Variants in ARHGAP18 observed in about 807,000 individuals in gnomAD.
The protein encoded by ARHGAP18 is rho GTPase-activating protein 18.
ARHGAP18 carries 67 observed loss-of-function variants against 86.2 expected under a neutral mutation model. The observed-to-expected ratio is 0.78, with a 90% CI of 0.64 to 0.95. ARHGAP18 has a LOEUF of 0.95. ARHGAP18 is among the 40% of genes least tolerant of loss of function. The probability of loss-of-function intolerance (pLI) is 0.00; values close to 1 mark genes in which losing one functional copy is unlikely to be tolerated. For synonymous variants in ARHGAP18, 283 were observed against 280.4 expected (o/e 1.01, Z -0.09); for missense variants, 691 against 780.4 (o/e 0.89, Z 1.37).
At chr6:129,642,531 A>G (rs938561035) in intron 1 of ARHGAP18, among the ~76,000 whole-genome samples, 5 of 151,984 alleles carry the variant, frequency 3.3e-5, no homozygotes, top group Admixed American at 1.3e-4. Flanking sequence ...ATGATCCTCA[A>G]CTGATCCTCC....
At chr6:129,691,793 A>T (rs1774533859) in intron 1 of ARHGAP18, among the ~76,000 whole-genome samples, 1 of 152,168 alleles carries the variant, frequency 6.6e-6, no homozygotes, top group Admixed American at 6.5e-5. Context: ...TCTGGTTCCC[A>T]AAAGGCTTCT....
intron 14 of ARHGAP18, among the ~76,000 whole-genome samples, chr6:129,579,493 GA>G (rs1489277267): frequency 4.6e-5 from 7 of 151,562 alleles, no homozygotes. Context: ...AGTCAAAAAA[GA>G]AAAAAAGATT....
In ARHGAP18 at chr6:129,580,702, A is replaced by G. The variant is rs551958862; in HGVS notation, c.1839-571T>C. On this transcript the variant is annotated intron_variant, in intron 13 of 14. Coordinates refer to ENST00000368149, the MANE Select transcript of ARHGAP18 (RefSeq NM_033515.3). ...AGTCTGGGCAACATGGCAAAACCCC[A>G]TTTCTACCCAAAATACAAAAAATTT... Among the ~76,000 whole-genome samples the G allele has an allele frequency of 1.6e-3, 242 of 152,042 alleles. 1 individual carries two copies. The highest frequency in any genetic ancestry group is 1.9e-3 in the Non-Finnish European group (130 of 68,000).
chr6:129,661,035 A>C (rs78537699), intron 1 of ARHGAP18, among the ~76,000 whole-genome samples: 2 of 151,900 alleles, frequency 1.3e-5, no homozygotes, highest in Non-Finnish European at 2.9e-5. Flanking sequence ...AAAAAAAAAA[A>C]AAACCAAAAG....
Position 129,630,412 on chromosome 6 carries a change from T to G in ARHGAP18, c.617-890A>C, listed in dbSNP as rs1012886426. Among the ~76,000 whole-genome samples the G allele has an allele frequency of 2.6e-5, 4 of 152,216 alleles. No individual in the cohort carries two copies. In the South Asian group the frequency reaches 8.3e-4, roughly 31 times the overall value. Reference sequence around the variant, plus strand: ...AGCCAAGAACCAAGATTACTGATTTTCTCACTGTTGACCTTTGAATCATAG... The same window carrying G: ...AGCCAAGAACCAAGATTACTGATTTGCTCACTGTTGACCTTTGAATCATAG... On this transcript the variant is annotated intron_variant, in intron 4 of 14. Coordinates refer to ENST00000368149, the MANE Select transcript of ARHGAP18 (RefSeq NM_033515.3).
At position 129,629,462 on chromosome 6, in the gene ARHGAP18, G is replaced by A; in HGVS notation, c.677C>T (p.Pro226Leu). The A allele has an allele frequency of 6.2e-7, 1 of 1,613,860 alleles. No individual in the cohort carries two copies. Among genetic ancestry groups the A allele is most frequent in the Non-Finnish European group, 8.5e-7 (1 of 1,179,922 alleles). The change falls in exon 5 of 15, where the codon CCT (proline) becomes CTT (leucine). Residue 226 changes from proline to leucine, a missense_variant. Transcript: ENST00000368149. ...KLIPPEETPAPETDINLEVSF... is the reference protein window; with the variant it reads ...KLIPPEETPALETDINLEVSF... ...TACCTCCAGGTTGATGTCTGTTTCAGGGGCAGGCGTCTCCTCAGGTGGGAT... is the reference window on the plus strand; with the variant it reads ...TACCTCCAGGTTGATGTCTGTTTCAAGGGCAGGCGTCTCCTCAGGTGGGAT...
chr6:129,672,752 T>C (rs767617475), intron 1 of ARHGAP18, among the ~76,000 whole-genome samples: 130 of 152,374 alleles, frequency 8.5e-4, no homozygotes, highest in Non-Finnish European at 1.6e-3. Flanking sequence ...TTGTTCATGC[T>C]CTATGGCTAA....
Position 129,638,434 on chromosome 6 carries a change from A to C in ARHGAP18, c.512T>G (p.Val171Gly). 6.2e-7 allele frequency: 1 copy of C among 1,614,170 alleles called. No individual in the cohort carries two copies. The change falls in exon 3 of 15, where the codon GTC becomes GGC. Residue 171 changes from valine to glycine, a missense_variant. Val to Gly is a moderately radical substitution (Grantham distance 109). Coordinates refer to ENST00000368149, the MANE Select transcript of ARHGAP18 (RefSeq NM_033515.3). ...TCTCTGTTGAGCAAATATGTCTCTG[A>C]CGTCAGGAATCTGGTACTGTTTGTT... ...KKNKQYQIPD[V>G]RDIFAQQRES... is the part of the protein sequence containing the mutation.
chr6:129,616,950 G>A (rs369426742), intron 6 of ARHGAP18, among the ~76,000 whole-genome samples: 60 of 152,194 alleles, frequency 3.9e-4, no homozygotes, highest in Middle Eastern at 3.4e-3. Context: ...AGCTGTCACC[G>A]TTTTTATCAC....
intron 1 of ARHGAP18, among the ~76,000 whole-genome samples, chr6:129,656,298 T>C (rs1773834770): frequency 6.6e-6 from 1 of 152,236 alleles, no homozygotes; most frequent in Admixed American, 6.5e-5. Context: ...CAGTGCTCAC[T>C]GCTAGTTAAA....
intron 1 of ARHGAP18, among the ~76,000 whole-genome samples, chr6:129,649,981 C>T (rs143300780): frequency 0.018 from 2,626 of 146,120 alleles, 81 homozygotes; most frequent in African/African-American, 0.063. Flanking sequence ...GGCGTGATCT[C>T]GGCTCACCAC....
At chr6:129,605,984 A>C in intron 9 of ARHGAP18, 25 bp from the exon 10 acceptor site, 1 of 1,601,784 alleles carries the variant, frequency 6.2e-7, no homozygotes. Context: ...AATAAATCTG[A>C]ACTCTTTTCT....
At chr6:129,646,973 G>A (rs944335360) in intron 1 of ARHGAP18, among the ~76,000 whole-genome samples, 2 of 152,014 alleles carry the variant, frequency 1.3e-5, no homozygotes, top group Non-Finnish European at 2.9e-5. Context: ...CAATTCTATG[G>A]GCAAAACTCC....
intron 2 of ARHGAP18, among the ~76,000 whole-genome samples, chr6:129,640,932 C>T (rs1320838730): frequency 3.9e-5 from 6 of 151,956 alleles, no homozygotes; most frequent in Admixed American, 6.6e-5. Context: ...TTAAAAGAAA[C>T]GGTACAAAAA....
At chr6:129,659,858 T>C (rs999237980) in intron 1 of ARHGAP18, among the ~76,000 whole-genome samples, 1 of 152,130 alleles carries the variant, frequency 6.6e-6, no homozygotes, top group Non-Finnish European at 1.5e-5. Flanking sequence ...AAGGGATCCG[T>C]TGAAGGCTCC....
chr6:129,641,794 G>A (rs1451833127), intron 2 of ARHGAP18, 22 bp downstream of exon 2: 4 of 1,592,040 alleles, frequency 2.5e-6, no homozygotes, highest in Non-Finnish European at 3.4e-6. Context: ...AACAACAAAA[G>A]CTTTATTTAG....
chr6:129,668,131 G>C (rs1031147406), intron 1 of ARHGAP18, among the ~76,000 whole-genome samples: 4 of 152,116 alleles, frequency 2.6e-5, no homozygotes, highest in Non-Finnish European at 5.9e-5. Context: ...TGGAATTATC[G>C]TGTAACAAGC....
intron 1 of ARHGAP18, among the ~76,000 whole-genome samples, chr6:129,700,534 A>G (rs1411150438): frequency 6.6e-6 from 1 of 152,270 alleles, no homozygotes; most frequent in Non-Finnish European, 1.5e-5. Context: ...AAGGCATTAT[A>G]CTGCATATGC....
chr6:129,698,394 T>C (rs914235818), intron 1 of ARHGAP18, among the ~76,000 whole-genome samples: 1 of 152,212 alleles, frequency 6.6e-6, no homozygotes, highest in Non-Finnish European at 1.5e-5. Context: ...CAAATATAGA[T>C]GGTATCTGAC....
Sources: gnomAD v4.1 joint callset for allele counts (sites outside exome capture counted in the v4.1 genomes callset) on GRCh38, gnomAD v4.1.1 for gene constraint, MANE v1.5 for transcripts, NCBI Gene and HGNC (gene_info 2026-07-23, HGNC 2026-07-21) for gene names.